CSMD1: variants seen among roughly 807,000 people sequenced by gnomAD.
The protein encoded by CSMD1 is CUB and Sushi multiple domains 1.
Under a neutral mutation model 417.5 loss-of-function variants are expected in CSMD1, and 213 were observed. The ratio of observed to expected loss-of-function variants is 0.51; its 90% confidence interval spans 0.46 to 0.57. The LOEUF (loss-of-function observed/expected upper bound fraction) is 0.57. CSMD1 is among the 20% of genes least tolerant of loss of function. CSMD1 has a pLI of 0.00. For synonymous variants in CSMD1, 2,862 were observed against 1,736.8 expected (o/e 1.65, Z -16.11); for missense variants, 6,923 against 4,529.7 (o/e 1.53, Z -15.17).
chr8:3,724,129 C>G (rs1212088629), intron 6 of CSMD1, among the ~76,000 whole-genome samples: 1 of 51,630 alleles, frequency 1.9e-5, no homozygotes, highest in African/African-American at 3.5e-5. Flanking sequence ...AGAAACCAGC[C>G]TCTTTCACCA....
At chr8:3,540,117 C>T (rs1040076019) in intron 10 of CSMD1, among the ~76,000 whole-genome samples, 13 of 152,012 alleles carry the variant, frequency 8.6e-5, no homozygotes, top group African/African-American at 1.2e-4. Context: ...GACTTGTTTA[C>T]GGTCACAGTT....
Position 4,603,912 on chromosome 8 carries a change from G to T in CSMD1, c.302+33430C>A, listed in dbSNP as rs189516758. ...TTATAAGTATTACTCTGGGGGATTT[G>T]GGATATGATTGTATTTGTAAATGAT... is the stretch of plus-strand genomic sequence containing the variant. On this transcript the variant is annotated intron_variant, in intron 2 of 69. Coordinates refer to ENST00000635120, the MANE Select transcript of CSMD1 (RefSeq NM_033225.6). Among the ~76,000 whole-genome samples, 10 of 152,002 alleles carry T rather than the reference G, an allele frequency of 6.6e-5. No homozygotes were observed. The East Asian group carries it at 1.5e-3, about 23-fold the overall frequency.
At chr8:3,959,746 T>A (rs2627489) in intron 5 of CSMD1, among the ~76,000 whole-genome samples, 1 of 151,972 alleles carries the variant, frequency 6.6e-6, no homozygotes, top group Non-Finnish European at 1.5e-5. Flanking sequence ...GGGAACACAC[T>A]CAAACTTAGG....
chr8:4,660,300 C>T (rs548794365), intron 1 of CSMD1, among the ~76,000 whole-genome samples: 1 of 152,008 alleles, frequency 6.6e-6, no homozygotes, highest in Admixed American at 6.6e-5. Flanking sequence ...AAAAACGCAA[C>T]ACAATTTAAA....
chr8:4,458,222 TATA>T (rs769566001), intron 2 of CSMD1, among the ~76,000 whole-genome samples: 24 of 152,180 alleles, frequency 1.6e-4, no homozygotes, highest in Non-Finnish European at 2.9e-4. Flanking sequence ...ATATGGAACT[TATA>T]ATGATCGGTC....
intron 7 of CSMD1, among the ~76,000 whole-genome samples, chr8:3,623,518 C>T (rs373583969): frequency 3.0e-4 from 46 of 152,198 alleles, no homozygotes; most frequent in African/African-American, 9.6e-4. Flanking sequence ...ACAAATGAAG[C>T]GCTAAAAATA....
At chr8:3,524,228 C>T (rs1195614537) in intron 10 of CSMD1, among the ~76,000 whole-genome samples, 2 of 150,236 alleles carry the variant, frequency 1.3e-5, no homozygotes, top group Non-Finnish European at 2.9e-5. Context: ...TATGCACACA[C>T]ATACACACAT....
chr8:3,302,771 A>G (rs976854207), intron 25 of CSMD1, among the ~76,000 whole-genome samples: 4 of 152,300 alleles, frequency 2.6e-5, no homozygotes, highest in East Asian at 1.9e-4. Flanking sequence ...TTTGTCCTTC[A>G]TGCACTTTCT....
chr8:3,284,237 G>A lies in CSMD1; in HGVS notation c.4060C>T (p.Pro1354Ser). 3 of 1,613,560 alleles carry A rather than the reference G, an allele frequency of 1.9e-6. No individual in the cohort carries two copies. Among genetic ancestry groups the A allele is most frequent in the Non-Finnish European group, 2.5e-6 (3 of 1,179,750 alleles). ...LLKEWSGSAL[P>S]EDIHSTFNSL... ...TTGAAGGTGCTGTGGATGTCCTCCGGAAGGGCGGAGCCACTCCACTCCTTC... is the reference window on the plus strand; with the variant it reads ...TTGAAGGTGCTGTGGATGTCCTCCGAAAGGGCGGAGCCACTCCACTCCTTC... The change falls in exon 26 of 70, where the codon CCG becomes TCG. Residue 1354 changes from proline (P) to serine (S), a missense_variant. Coordinates refer to ENST00000635120, the MANE Select transcript of CSMD1 (RefSeq NM_033225.6).
intron 5 of CSMD1, among the ~76,000 whole-genome samples, chr8:3,983,307 T>C (rs904811700): frequency 6.6e-6 from 1 of 151,932 alleles, no homozygotes; most frequent in Admixed American, 6.6e-5. Context: ...ATTTTTTGTA[T>C]TTTTAGTAGA....
chr8:3,860,491 G>T (rs143023713), intron 5 of CSMD1, among the ~76,000 whole-genome samples: 2 of 151,964 alleles, frequency 1.3e-5, no homozygotes, highest in African/African-American at 2.4e-5. Flanking sequence ...AAATGTACTT[G>T]AAGTTCCTTT....
At chr8:3,641,418 GTTC>G (rs1053326292) in intron 7 of CSMD1, among the ~76,000 whole-genome samples, 7 of 152,068 alleles carry the variant, frequency 4.6e-5, no homozygotes, top group African/African-American at 1.7e-4. Flanking sequence ...TAAAAATTGG[GTTC>G]TTCTTATAAC....
intron 5 of CSMD1, among the ~76,000 whole-genome samples, chr8:3,779,145 A>G (rs1031379688): frequency 7.6e-6 from 1 of 130,986 alleles, no homozygotes; most frequent in African/African-American, 2.9e-5. Flanking sequence ...CTATGCGTGC[A>G]TACTTGTGTG....
At chr8:3,758,618 A>G (rs1185626094) in intron 5 of CSMD1, among the ~76,000 whole-genome samples, 1 of 152,204 alleles carries the variant, frequency 6.6e-6, no homozygotes, top group Non-Finnish European at 1.5e-5. Flanking sequence ...TACTGTACAA[A>G]TTAGGTGAAA....
intron 11 of CSMD1, among the ~76,000 whole-genome samples, chr8:3,491,897 T>C (rs958784640): frequency 6.6e-6 from 1 of 152,066 alleles, no homozygotes; most frequent in African/African-American, 2.4e-5. Context: ...AGAGACAGAA[T>C]GAGAGTTTAA....
At chr8:3,971,173 G>A (rs1183909532) in intron 5 of CSMD1, among the ~76,000 whole-genome samples, 2 of 152,272 alleles carry the variant, frequency 1.3e-5, no homozygotes, top group South Asian at 2.1e-4. Context: ...TGGCATGATG[G>A]AGGGAAGCAA....
intron 3 of CSMD1, among the ~76,000 whole-genome samples, chr8:4,202,694 G>A (rs1254969184): frequency 6.6e-6 from 1 of 152,134 alleles, no homozygotes; most frequent in Non-Finnish European, 1.5e-5. Context: ...GAAAGAGGGA[G>A]AACCACACTA....
At chr8:3,647,891 G>T (rs1423132912) in intron 7 of CSMD1, among the ~76,000 whole-genome samples, 1 of 152,192 alleles carries the variant, frequency 6.6e-6, no homozygotes, top group African/African-American at 2.4e-5. Context: ...TGTAAGTTTG[G>T]AATTACTTCA....
intron 2 of CSMD1, among the ~76,000 whole-genome samples, chr8:4,449,666 T>A (rs564004393): frequency 7.2e-5 from 11 of 152,080 alleles, no homozygotes; most frequent in Non-Finnish European, 1.5e-4. Flanking sequence ...ATAATCAGCC[T>A]GAGAGGAATG....
Sources: gnomAD v4.1 joint callset for allele counts (sites outside exome capture counted in the v4.1 genomes callset) on GRCh38, gnomAD v4.1.1 for gene constraint, MANE v1.5 for transcripts, NCBI Gene and HGNC (gene_info 2026-07-23, HGNC 2026-07-21) for gene names.